Variants in FOXP1 observed in about 807,000 individuals in gnomAD.
FOXP1 encodes the protein forkhead box protein P1.
A neutral mutation model predicts 98.2 loss-of-function variants in FOXP1; 15 were observed. The observed-to-expected ratio is 0.15, with a 90% confidence interval of 0.10 to 0.24. FOXP1 has a LOEUF of 0.24. Ranked by LOEUF, FOXP1 falls within the 10% of genes least tolerant of loss-of-function variation. The pLI is 1.00. For missense variants in FOXP1, 633 were observed against 848.5 expected (o/e 0.75, Z 3.15); for synonymous variants, 371 against 314.5 (o/e 1.18, Z -1.90).
At chr3:71,080,147 A>G (rs1281276409) in intron 7 of FOXP1, among the ~76,000 whole-genome samples, 1 of 152,228 alleles carries the variant, frequency 6.6e-6, no homozygotes, top group Non-Finnish European at 1.5e-5. Context: ...ACGTAGCTAA[A>G]GAAATTTCCA....
intron 3 of FOXP1, among the ~76,000 whole-genome samples, chr3:71,445,002 GGGGAAGATGTGCAA>G (rs1560497367): frequency 6.6e-6 from 1 of 152,208 alleles, no homozygotes; most frequent in Non-Finnish European, 1.5e-5. Context: ...TGGCCGGGCA[GGGGAAGATGTGCAA>G]GGGAGATCTT....
intron 6 of FOXP1, among the ~76,000 whole-genome samples, chr3:71,158,154 A>C: frequency 2.2e-5 from 1 of 44,696 alleles, no homozygotes; most frequent in African/African-American, 7.8e-5. Flanking sequence ...GGAAGGAGGG[A>C]GGGAGGCAGG....
At chr3:71,165,543 T>C (rs1304527165) in intron 6 of FOXP1, among the ~76,000 whole-genome samples, 2 of 152,198 alleles carry the variant, frequency 1.3e-5, no homozygotes, top group African/African-American at 2.4e-5. Context: ...TTTTAACTAA[T>C]GTATACCTTC....
At chr3:71,077,682 A>G (rs1426039037) in intron 7 of FOXP1, among the ~76,000 whole-genome samples, 1 of 152,192 alleles carries the variant, frequency 6.6e-6, no homozygotes, top group Non-Finnish European at 1.5e-5. Context: ...GCCGTTGTAC[A>G]TAACCCTGTA....
chr3:71,361,478 G>T (rs569438051), intron 3 of FOXP1, among the ~76,000 whole-genome samples: 1 of 152,284 alleles, frequency 6.6e-6, no homozygotes, highest in East Asian at 1.9e-4. Context: ...CTTGTAAAAT[G>T]TTATAAGCCT....
chr3:71,315,838 G>T (rs1400581259), intron 4 of FOXP1, among the ~76,000 whole-genome samples: 5 of 152,242 alleles, frequency 3.3e-5, no homozygotes, highest in African/African-American at 4.8e-5. Context: ...GACTGTGCCA[G>T]CCCATTGCAT....
At chr3:71,515,930 G>T (rs1235316838) in intron 2 of FOXP1, among the ~76,000 whole-genome samples, 4 of 152,194 alleles carry the variant, frequency 2.6e-5, no homozygotes, top group African/African-American at 9.7e-5. Flanking sequence ...TTTGCAGCCA[G>T]GAGAATGGGT....
At chr3:71,082,286 GAA>G (rs75431341) in intron 7 of FOXP1, among the ~76,000 whole-genome samples, 5 of 84,584 alleles carry the variant, frequency 5.9e-5, no homozygotes, top group Admixed American at 1.3e-4. Flanking sequence ...TTAAAAAAAA[GAA>G]AAAAAAAAAA....
At chr3:71,374,904 A>G (rs2079609121) in intron 3 of FOXP1, among the ~76,000 whole-genome samples, 1 of 152,190 alleles carries the variant, frequency 6.6e-6, no homozygotes, top group African/African-American at 2.4e-5. Flanking sequence ...TCCTCTATCT[A>G]CTAGCCATTT....
chr3:70,970,825 A>ATAAGGG lies in FOXP1; in HGVS notation c.1653-21_1653-20insCCCTTA. The ATAAGGG allele has an allele frequency of 6.3e-7, 1 of 1,597,412 alleles. No individual in the cohort carries two copies. The highest frequency in any genetic ancestry group is 8.6e-7 in the Non-Finnish European group (1 of 1,164,882). On this transcript the variant is annotated intron_variant, in intron 18 of 20. Coordinates refer to ENST00000649528, the MANE Select transcript of FOXP1 (RefSeq NM_001349338.3). ...GGGTTACTGTGTAAGAAAAACATAA[A>ATAAGGG]AACTCAAAGTTAAACACAGTCGACT... is the stretch of plus-strand genomic sequence containing the variant.
chr3:71,079,442 C>T (rs1169861774), intron 7 of FOXP1, among the ~76,000 whole-genome samples: 1 of 152,028 alleles, frequency 6.6e-6, no homozygotes, highest in African/African-American at 2.4e-5. Flanking sequence ...AGACTTTGTT[C>T]TAAAAAAATC....
chr3:71,145,190 A>G (rs1417069962), intron 6 of FOXP1, among the ~76,000 whole-genome samples: 1 of 152,166 alleles, frequency 6.6e-6, no homozygotes, highest in African/African-American at 2.4e-5. Context: ...TTCAATACAT[A>G]TACAAGAGTA....
chr3:71,214,162 T>G (rs6791702), intron 5 of FOXP1, among the ~76,000 whole-genome samples: 1 of 152,138 alleles, frequency 6.6e-6, no homozygotes, highest in Admixed American at 6.5e-5. Context: ...GGGGCCCCTT[T>G]GCACAGAGAT....
At chr3:71,249,644 C>T (rs190241591) in intron 5 of FOXP1, among the ~76,000 whole-genome samples, 1 of 152,194 alleles carries the variant, frequency 6.6e-6, no homozygotes, top group African/African-American at 2.4e-5. Context: ...AATGTCAGTA[C>T]CAGCCCCTGT....
chr3:71,135,111 T>C (rs2059754826), intron 6 of FOXP1, among the ~76,000 whole-genome samples: 1 of 151,800 alleles, frequency 6.6e-6, no homozygotes. Context: ...ATACAAAAAT[T>C]AGCTGGGCGC....
chr3:71,140,722 A>C (rs1173791110), intron 6 of FOXP1, among the ~76,000 whole-genome samples: 1 of 152,144 alleles, frequency 6.6e-6, no homozygotes, highest in Non-Finnish European at 1.5e-5. Context: ...GTATCCAAAT[A>C]CTGTGACTGT....
At chr3:71,269,871 T>C (rs2070158157) in intron 5 of FOXP1, among the ~76,000 whole-genome samples, 1 of 152,172 alleles carries the variant, frequency 6.6e-6, no homozygotes, top group African/African-American at 2.4e-5. Context: ...TTCCAGTCCA[T>C]AAATCATATG....
At position 71,168,978 on chromosome 3, in the gene FOXP1, C is replaced by T. The variant is rs535012843; in HGVS notation, c.180+29224G>A. Among the ~76,000 whole-genome samples, 11 of 152,188 alleles carry T rather than the reference C, an allele frequency of 7.2e-5. No homozygotes were observed. The South Asian group carries it at 1.0e-3, about 14-fold the overall frequency. ...AAGAGTTTCTCAGTGCTGCTGAGCC[C>T]GCATGGGAGGAGAGCGTAAAACTCA... On this transcript the variant is annotated intron_variant, in intron 6 of 20. Coordinates refer to ENST00000649528, the MANE Select transcript of FOXP1 (RefSeq NM_001349338.3).
intron 2 of FOXP1, among the ~76,000 whole-genome samples, chr3:71,502,457 G>A (rs1237188306): frequency 6.6e-6 from 1 of 152,152 alleles, no homozygotes; most frequent in Non-Finnish European, 1.5e-5. Context: ...TGAGGGGAGA[G>A]CTTTTTTGAT....
Sources: gnomAD v4.1 joint callset for allele counts (sites outside exome capture counted in the v4.1 genomes callset) on GRCh38, gnomAD v4.1.1 for gene constraint, MANE v1.5 for transcripts, NCBI Gene and HGNC (gene_info 2026-07-23, HGNC 2026-07-21) for gene names.